The following ANKFN1 variants were observed in gnomAD, a reference collection of about 807,000 sequenced individuals.
ANKFN1 encodes the protein ankyrin repeat and fibronectin type III domain containing 1, also known as ankyrin repeat and fibronectin type-III domain-containing protein 1.
A neutral mutation model predicts 108.7 loss-of-function variants in ANKFN1; 74 were observed. The observed-to-expected ratio is 0.68, with a 90% CI of 0.56 to 0.83. The LOEUF (loss-of-function observed/expected upper bound fraction) is 0.83, where lower values mean the gene tolerates loss of function less well. Among genes scored for constraint, ANKFN1 ranks in the 40% least tolerant of loss-of-function variants. ANKFN1 has a pLI of 0.00. For missense variants in ANKFN1, 1,505 were observed against 1,382.3 expected, an observed-to-expected ratio of 1.09 and a Z score of -1.41; for synonymous variants, 547 against 516.2, an observed-to-expected ratio of 1.06 and a Z score of -0.81.
intron 14 of ANKFN1, among the ~76,000 whole-genome samples, chr17:56,463,324 G>T (rs1470944375): frequency 1.3e-5 from 2 of 152,236 alleles, no homozygotes; most frequent in East Asian, 3.9e-4. Context: ...TTCAAATCCA[G>T]ATTTATTTAA....
At chr17:56,132,980 T>C (rs9910587) in intron 4 of ANKFN1, among the ~76,000 whole-genome samples, 3,768 of 152,276 alleles carry the variant, frequency 0.025, 169 homozygotes, top group African/African-American at 0.086. Flanking sequence ...TAGTTCAGAA[T>C]TGTTTACTTG....
intron 3 of ANKFN1, among the ~76,000 whole-genome samples, chr17:56,296,657 C>G (rs2044518188): frequency 6.6e-6 from 1 of 152,150 alleles, no homozygotes; most frequent in South Asian, 2.1e-4. Flanking sequence ...GCACTCCAGC[C>G]TGGGCGACAG....
At chr17:56,142,965 A>G (rs1477703910) in intron 4 of ANKFN1, among the ~76,000 whole-genome samples, 1 of 151,986 alleles carries the variant, frequency 6.6e-6, no homozygotes, top group East Asian at 1.9e-4. Flanking sequence ...CGATCTGATC[A>G]CTCACCCAGG....
chr17:56,356,332 T>C (rs1388612449), intron 6 of ANKFN1, among the ~76,000 whole-genome samples: 1 of 152,140 alleles, frequency 6.6e-6, no homozygotes, highest in African/African-American at 2.4e-5. Flanking sequence ...TTATGTTTCC[T>C]AAAAGAAAAA....
chr17:56,093,890 A>G lies in ANKFN1; in HGVS notation c.288+47565A>G, dbSNP rs190629483. ...TAGTATGTTGAAGTCCTAATCCCCA[A>G]TACCTCAGAATGTAACCTTATTTGG... On this transcript the variant is annotated intron_variant, in intron 4 of 12. Transcript: ENST00000635860. Among the ~76,000 whole-genome samples, 238 of 151,460 alleles carry G rather than the reference A, an allele frequency of 1.6e-3. 4 individuals carry two copies. The highest frequency in any genetic ancestry group is 0.01 in the Middle Eastern group (3 of 290).
chr17:56,062,818 G>A (rs1236693327), intron 4 of ANKFN1, among the ~76,000 whole-genome samples: 5 of 152,126 alleles, frequency 3.3e-5, no homozygotes, highest in Non-Finnish European at 5.9e-5. Flanking sequence ...TTTCTTCATA[G>A]TGTCATTGAT....
chr17:56,331,530 C>T (rs1433061299), intron 4 of ANKFN1, among the ~76,000 whole-genome samples: 1 of 152,168 alleles, frequency 6.6e-6, no homozygotes, highest in Non-Finnish European at 1.5e-5. Flanking sequence ...GACAGGAAGT[C>T]TTGACTTCAG....
At chr17:56,202,594 C>A (rs543317458) in intron 1 of ANKFN1, among the ~76,000 whole-genome samples, 1 of 152,168 alleles carries the variant, frequency 6.6e-6, no homozygotes, top group African/African-American at 2.4e-5. Context: ...CCTCCACACC[C>A]TTTTCACCAT....
At chr17:56,201,426 G>T (rs542977444) in intron 1 of ANKFN1, among the ~76,000 whole-genome samples, 6 of 152,184 alleles carry the variant, frequency 3.9e-5, no homozygotes, top group African/African-American at 1.4e-4. Context: ...ACAATCACTT[G>T]TTATCATTGT....
intron 4 of ANKFN1, among the ~76,000 whole-genome samples, chr17:56,125,366 G>A (rs988327873): frequency 3.3e-5 from 5 of 152,098 alleles, no homozygotes; most frequent in African/African-American, 9.7e-5. Context: ...TATAATGAAG[G>A]AACAAAAACC....
chr17:56,453,178 AC>A (rs2049552848), intron 11 of ANKFN1, among the ~76,000 whole-genome samples: 1 of 152,068 alleles, frequency 6.6e-6, no homozygotes, highest in African/African-American at 2.4e-5. Context: ...TCATTACCTC[AC>A]TAAAGAAAGT....
chr17:56,478,236 T>C (rs2050577388), intron 16 of ANKFN1, among the ~76,000 whole-genome samples: 1 of 152,258 alleles, frequency 6.6e-6, no homozygotes, highest in Non-Finnish European at 1.5e-5. Context: ...ATGTTACTCA[T>C]GGTAAAACCA....
At chr17:56,293,700 GA>G (rs1267987206) in intron 3 of ANKFN1, among the ~76,000 whole-genome samples, 1 of 152,162 alleles carries the variant, frequency 6.6e-6, no homozygotes, top group African/African-American at 2.4e-5. Context: ...ACCCCAAATC[GA>G]AAGACTTTCT....
At chr17:56,151,381 C>A (rs1271291501), upstream of ANKFN1, among the ~76,000 whole-genome samples, 3 of 152,182 alleles carry the variant, frequency 2.0e-5, no homozygotes, top group Non-Finnish European at 4.4e-5. Flanking sequence ...ATATGAATGT[C>A]TAAAATGCTG....
chr17:56,134,927 G>T (rs1907508434), intron 4 of ANKFN1, among the ~76,000 whole-genome samples: 1 of 152,046 alleles, frequency 6.6e-6, no homozygotes, highest in Non-Finnish European at 1.5e-5. Context: ...GGACTCTTTG[G>T]GTAAAGTTGT....
At chr17:56,509,450 A>G (rs1270479712) in intron 20 of ANKFN1, among the ~76,000 whole-genome samples, 1 of 152,222 alleles carries the variant, frequency 6.6e-6, no homozygotes, top group Non-Finnish European at 1.5e-5. Flanking sequence ...GTAATGACCC[A>G]GCTAAGCCAG....
In ANKFN1 at chr17:56,312,808, C is replaced by A. The variant is rs180914831; in HGVS notation, c.54-13413C>A. On this transcript the variant is annotated intron_variant, in intron 3 of 20. Coordinates refer to ENST00000682825, the MANE Select transcript of ANKFN1 (RefSeq NM_001370326.1). ...AACTCACAGTCTAAAAGGGAGCAGA[C>A]TAACAAACGACAAGTAAAGAAAGTA... Among the ~76,000 whole-genome samples, 17 of 152,284 alleles carry A rather than the reference C, an allele frequency of 1.1e-4. No individual in the cohort carries two copies. The East Asian group carries it at 3.3e-3, about 29-fold the overall frequency.
chr17:56,510,879 G>C lies in ANKFN1; in HGVS notation c.3051G>C (p.Trp1017Cys). 3 of 1,536,170 alleles carry C rather than the reference G, an allele frequency of 2.0e-6. No homozygotes were observed. The highest frequency in any genetic ancestry group is 2.6e-6 in the Non-Finnish European group (3 of 1,146,912). ...GCGGCTTCAGCCGCCATCATCGCTG[G>C]TTGCGCATCCACAGCGAGACCCAGT... ...HYGGFSRHHR[W>C]LRIHSETQSL... The change falls in exon 21 of 21, where the codon TGG (tryptophan) becomes TGC (cysteine). Residue 1017 changes from tryptophan to cysteine, a missense_variant. Physicochemically the swap from Trp to Cys is radical, Grantham distance 215 (BLOSUM62 -2). Coordinates refer to ENST00000682825, the MANE Select transcript of ANKFN1 (RefSeq NM_001370326.1).
intron 2 of ANKFN1, among the ~76,000 whole-genome samples, chr17:56,225,220 C>A (rs947110631): frequency 1.3e-5 from 2 of 152,106 alleles, no homozygotes; most frequent in African/African-American, 4.8e-5. Context: ...CTCCACATTC[C>A]CCATCTGCCT....
Sources: gnomAD v4.1 joint callset for allele counts (sites outside exome capture counted in the v4.1 genomes callset) on GRCh38, gnomAD v4.1.1 for gene constraint, MANE v1.5 for transcripts, NCBI Gene and HGNC (gene_info 2026-07-23, HGNC 2026-07-21) for gene names.